TRAF7: variants seen among roughly 807,000 people sequenced by gnomAD.
TRAF7 encodes E3 ubiquitin-protein ligase TRAF7.
TRAF7 carries 45 observed loss-of-function variants against 89.3 expected under a neutral mutation model. That is an observed-to-expected ratio of 0.50 (90% CI 0.40 to 0.65). The LOEUF (loss-of-function observed/expected upper bound fraction) is 0.65. TRAF7 is among the 30% of genes least tolerant of loss of function. TRAF7 has a pLI of 0.00. For missense variants in TRAF7, 677 were observed against 918.1 expected (o/e 0.74, Z 3.39); for synonymous variants, 406 against 369.2 (o/e 1.10, Z -1.14).
At chr16:2,164,201 G>C (rs141857697) in intron 2 of TRAF7, among the ~76,000 whole-genome samples, 200 bp downstream of exon 2, 4 of 149,712 alleles carry the variant, frequency 2.7e-5, no homozygotes, top group Non-Finnish European at 3.0e-5. Context: ...TGTGTGGTTG[G>C]GGCGTGTTAG....
Position 2,158,798 on chromosome 16 carries a change from C to T in TRAF7, c.-39+2940C>T, listed in dbSNP as rs953743846. 1.0e-4 allele frequency among the ~76,000 whole-genome samples: 15 copies of T among 147,020 alleles called. No individual in the cohort carries two copies. The highest frequency in any genetic ancestry group is 6.0e-5 in the Non-Finnish European group (4 of 66,894). On this transcript the variant is annotated intron_variant, in intron 1 of 20. Coordinates refer to ENST00000326181, the MANE Select transcript of TRAF7 (RefSeq NM_032271.3). The surrounding 1 kb of genome is among the most constrained non-coding windows in gnomAD (Gnocchi z 4.7). The stretch of plus-strand genomic sequence containing the variant: ...GGGGGGGGGACACTGCCACCCTTGG[C>T]TCTTGGGCAAAGCTCACGACCTGTT...
chr16:2,164,049 ATGCCCCAGG>A, intron 2 of TRAF7, 48 bp downstream of exon 2: 1 of 1,527,152 alleles, frequency 6.5e-7, no homozygotes, highest in Non-Finnish European at 8.9e-7. Flanking sequence ...GACCCCCAGC[ATGCCCCAGG>A]GATCTGGTGT....
At chr16:2,176,468 A>G (rs986915061) in intron 20 of TRAF7, 84 bp downstream of exon 20, 4 of 1,612,880 alleles carry the variant, frequency 2.5e-6, no homozygotes, top group Admixed American at 3.3e-5. Flanking sequence ...GCCCCAGCAC[A>G]AAGTGGTGGA....
At chr16:2,166,051 G>C in intron 3 of TRAF7, 115 bp downstream of exon 3, 1 of 1,332,430 alleles carries the variant, frequency 7.5e-7, no homozygotes, top group Non-Finnish European at 1.0e-6. Context: ...TGCCAGTGCT[G>C]GGCGCGGGCA....
Position 2,163,806 on chromosome 16 carries a change from A to C in TRAF7, c.-38-77A>C. 2.1e-6 allele frequency: 2 copies of C among 973,944 alleles called. No individual in the cohort carries two copies. The highest frequency in any genetic ancestry group is 1.6e-6 in the Non-Finnish European group (1 of 627,016). The allele number at this position is 973,944 out of a possible 1,614,324, so 60.3% of individuals were successfully genotyped here. On this transcript the variant is annotated intron_variant, in intron 1 of 20. Coordinates refer to ENST00000326181, the MANE Select transcript of TRAF7 (RefSeq NM_032271.3). This position sits in a 1 kb window ranked among gnomAD's most constrained non-coding sequence, Gnocchi z 4.3. Reference sequence around the variant, plus strand: ...CCACGGTGCCCCACAGCAGGTCTGCACACTTGCAGCAGCCCGTCTGACTCA... The same window carrying C: ...CCACGGTGCCCCACAGCAGGTCTGCCCACTTGCAGCAGCCCGTCTGACTCA...
In TRAF7 at chr16:2,176,978, G is replaced by T. The variant is rs1443580376; in HGVS notation, c.*404G>T. On this transcript the variant is annotated 3_prime_UTR_variant, in exon 21 of 21. Transcript: ENST00000326181. ...CAGCTCCTCGGGACAAGGGGGCTGT[G>T]TGTGGCCTTGAGGTTGGTGTGCACA... 2.4e-6 allele frequency: 1 copy of T among 408,306 alleles called. No homozygotes were observed. The highest frequency in any genetic ancestry group is 4.6e-6 in the Non-Finnish European group (1 of 217,346). 25.3% of individuals were successfully genotyped at this position (408,306 alleles called of 1,614,324 possible).
rs145567897 is a variant in TRAF7 at position 2,175,890 on chromosome 16, C to T, written c.1683C>T (p.Ser561=). The T allele has an allele frequency of 1.3e-5, 21 of 1,613,444 alleles. No homozygotes were observed. The highest frequency in any genetic ancestry group is 1.1e-4 in the African/African-American group (8 of 74,926). ...ACGTCCTGCAGACGTCTGGTGGCAGCGTCTACTCCATTGCTGTGACAAATC... is the reference window on the plus strand; with the variant it reads ...ACGTCCTGCAGACGTCTGGTGGCAGTGTCTACTCCATTGCTGTGACAAATC... ...CIHVLQTSGG[S]VYSIAVTNHH... Residue 561 remains serine (S), a synonymous_variant, in exon 18 of 21, where the codon AGC becomes AGT. Transcript: ENST00000326181.
At chr16:2,164,799 G>GCA (rs1281792338) in intron 2 of TRAF7, among the ~76,000 whole-genome samples, 3 of 60,872 alleles carry the variant, frequency 4.9e-5, no homozygotes, top group African/African-American at 2.2e-4. Context: ...TGCGTGGCCT[G>GCA]GCCTGGTCGC....
In TRAF7 at chr16:2,168,045, C is replaced by A. The variant is rs143267328; in HGVS notation, c.140-32C>A. 1.2e-6 allele frequency: 2 copies of A among 1,602,352 alleles called. No individual in the cohort carries two copies. Among genetic ancestry groups the A allele is most frequent in the East Asian group, 2.2e-5 (1 of 44,800 alleles). ...CTCCCCCACATCTGCTGAGGGAGCC[C>A]CCACTGAGACGCCAGCCCTCTTGCC... On this transcript the variant is annotated intron_variant, in intron 3 of 20. Transcript: ENST00000326181. The surrounding 1 kb of genome is among the most constrained non-coding windows in gnomAD (Gnocchi z 4.1).
chr16:2,165,834 C>T, intron 2 of TRAF7, 45 bp from the exon 3 acceptor site: 4 of 1,612,674 alleles, frequency 2.5e-6, no homozygotes, highest in Non-Finnish European at 2.5e-6. Context: ...GCACGTCCTC[C>T]TTGTGTCCCG....
chr16:2,167,253 C>T (rs1004795032), intron 3 of TRAF7, among the ~76,000 whole-genome samples: 4 of 152,302 alleles, frequency 2.6e-5, no homozygotes, highest in Middle Eastern at 3.4e-3. Flanking sequence ...GGCAGCAGGG[C>T]GCCCACAGGT....
chr16:2,166,780 C>T (rs2093087976), intron 3 of TRAF7, among the ~76,000 whole-genome samples: 1 of 152,264 alleles, frequency 6.6e-6, no homozygotes, highest in South Asian at 2.1e-4. Flanking sequence ...CTTCTCAGTC[C>T]TATCCCCTAA....
In TRAF7 at chr16:2,171,499, T is replaced by G. The variant is rs1277218218; in HGVS notation, c.442-73T>G. On this transcript the variant is annotated intron_variant, in intron 6 of 20. Transcript: ENST00000326181. ...TGGGCTTGGGGTACAGCGAGGCCTG[T>G]GGCTGCCATGGCCATGGACTAGGGA... 6 of 1,605,202 alleles carry G rather than the reference T, an allele frequency of 3.7e-6. No homozygotes were observed. In the East Asian group the frequency reaches 1.4e-4, roughly 36 times the overall value.
In TRAF7 at chr16:2,173,185, C is replaced by T. The variant is rs2093120839; in HGVS notation, c.798C>T (p.Cys266=). 6.2e-7 allele frequency: 1 copy of T among 1,606,320 alleles called. No homozygotes were observed. Among genetic ancestry groups the T allele is most frequent in the Non-Finnish European group, 8.5e-7 (1 of 1,177,614 alleles). The change falls in exon 10 of 21, where the codon TGC becomes TGT. Residue 266 remains cysteine, a synonymous_variant. Coordinates refer to ENST00000326181, the MANE Select transcript of TRAF7 (RefSeq NM_032271.3). ...GGCAGCTGTCCTGTCCCCGCAGGTG[C>T]ACGTTCATCGGGAACCAGGACACTT... ...HIKCPHSKYG[C]TFIGNQDTYE...
In TRAF7 at chr16:2,171,558, C is replaced by G. The variant is rs2093110831; in HGVS notation, c.442-14C>G. The G allele has an allele frequency of 6.2e-7, 1 of 1,613,200 alleles. No homozygotes were observed. The highest frequency in any genetic ancestry group is 2.2e-5 in the East Asian group (1 of 44,882). On this transcript the variant is annotated splice_polypyrimidine_tract_variant and intron_variant, in intron 6 of 20. Transcript: ENST00000326181. Reference sequence around the variant, plus strand: ...ACCCTGCGCCACCCTCAAGCCCGCCCTTTGCCTCCACAGCACACGTTCTGT... The same window carrying G: ...ACCCTGCGCCACCCTCAAGCCCGCCGTTTGCCTCCACAGCACACGTTCTGT...
rs1275058306 is a variant in TRAF7, at chr16:2,158,771, G to GA, written c.-39+2913_-39+2914insA. On this transcript the variant is annotated intron_variant, in intron 1 of 20. Coordinates refer to ENST00000326181, the MANE Select transcript of TRAF7 (RefSeq NM_032271.3). The surrounding 1 kb of genome is among the most constrained non-coding windows in gnomAD (Gnocchi z 4.7). ...GGACTGGGAAGCGTGGGCTCGGCGG[G>GA]GGGGGGGGGGACACTGCCACCCTTG... Among the ~76,000 whole-genome samples, 3 of 147,084 alleles carry GA rather than the reference G, an allele frequency of 2.0e-5. No homozygotes were observed. The highest frequency in any genetic ancestry group is 2.0e-4 in the Admixed American group (3 of 14,910).
Position 2,177,751 on chromosome 16 carries a change from G to T in TRAF7, c.*1177G>T. 1 of 243,364 alleles carries T rather than the reference G, an allele frequency of 4.1e-6. No homozygotes were observed. Among genetic ancestry groups the T allele is most frequent in the South Asian group, 1.1e-4 (1 of 8,938 alleles). The allele number at this position is 243,364 out of a possible 1,614,324, so 15.1% of individuals were successfully genotyped here. On this transcript the variant is annotated 3_prime_UTR_variant, in exon 21 of 21. Coordinates refer to ENST00000326181, the MANE Select transcript of TRAF7 (RefSeq NM_032271.3). The stretch of plus-strand genomic sequence containing the variant: ...ATTCACCAAACCCACCCGCGCCCTG[G>T]GACGCAGCCACGCCAGGAGGAGGAC...
rs2141295037 is a variant in TRAF7 at position 2,175,558 on chromosome 16, A to C, written c.1562A>C (p.His521Pro). 1 of 1,613,098 alleles carries C rather than the reference A, an allele frequency of 6.2e-7. No homozygotes were observed. The highest frequency in any genetic ancestry group is 8.5e-7 in the Non-Finnish European group (1 of 1,179,980). ...KLKKELTGLN[H>P]WVRALVAAQS... ...AAGAAGGAGCTCACAGGCCTCAACC[A>C]CTGGGTGCGGGCCCTGGTGGCTGCC... The change falls in exon 17 of 21, where the codon CAC becomes CCC. Residue 521 changes from histidine (H) to proline (P), a missense_variant. His to Pro is a moderately conservative substitution (Grantham distance 77). Around this residue, in one of 6 missense-constraint regions of TRAF7, gnomAD observed 160 missense variants for 263.7 expected, o/e 0.61. Transcript: ENST00000326181.
At chr16:2,160,093 G>C (rs1333223824) in intron 1 of TRAF7, among the ~76,000 whole-genome samples, 4 of 152,188 alleles carry the variant, frequency 2.6e-5, no homozygotes, top group African/African-American at 7.2e-5. Flanking sequence ...GCGAGGCGCT[G>C]AGGAAGACTT....
Sources: allele counts gnomAD v4.1 joint callset (sites outside exome capture counted in the v4.1 genomes callset), GRCh38; gene constraint gnomAD v4.1.1; regional missense constraint gnomAD v4.1.1; non-coding constraint Gnocchi (gnomAD v3.1); transcripts MANE v1.5; gene names NCBI Gene and HGNC (gene_info 2026-07-23, HGNC 2026-07-21).